SDK1: variants seen among roughly 807,000 people sequenced by gnomAD.
SDK1 encodes protein sidekick-1.
A neutral mutation model predicts 245.5 loss-of-function variants in SDK1; 157 were observed. The observed-to-expected ratio is 0.64, with a 90% confidence interval of 0.56 to 0.73. The LOEUF is 0.73. Among genes scored for constraint, SDK1 ranks in the 30% least tolerant of loss-of-function variants. SDK1 has a pLI of 0.00. For synonymous variants in SDK1, 1,647 were observed against 1,278.5 expected (o/e 1.29, Z -6.15); for missense variants, 3,583 against 3,002.3 (o/e 1.19, Z -4.52).
In SDK1 at chr7:3,835,833, C is replaced by T. The variant is rs554942676; in HGVS notation, c.847+14250C>T. ...CAATATGGATTGGGATGTTCTAAGTCAGGGAATAGTAATTTTCCCACACAT... is the reference window on the plus strand; with the variant it reads ...CAATATGGATTGGGATGTTCTAAGTTAGGGAATAGTAATTTTCCCACACAT... On this transcript the variant is annotated intron_variant, in intron 5 of 44. Transcript: ENST00000404826. Among the ~76,000 whole-genome samples, 9 of 152,272 alleles carry T rather than the reference C, an allele frequency of 5.9e-5. No individual in the cohort carries two copies. In the South Asian group the frequency reaches 1.9e-3, roughly 32 times the overall value.
intron 30 of SDK1, among the ~76,000 whole-genome samples, chr7:4,155,353 T>C (rs998315995): frequency 2.6e-5 from 4 of 152,216 alleles, no homozygotes; most frequent in African/African-American, 7.2e-5. Context: ...TGTCCTCCTT[T>C]GCACCCAAAC....
chr7:3,359,278 G>C (rs986523348), intron 1 of SDK1, among the ~76,000 whole-genome samples: 2 of 152,172 alleles, frequency 1.3e-5, no homozygotes, highest in African/African-American at 4.8e-5. Context: ...CCGGAGGCTT[G>C]AGCCTGATGG....
chr7:3,896,518 T>G (rs928771763), intron 5 of SDK1, among the ~76,000 whole-genome samples: 76 of 152,236 alleles, frequency 5.0e-4, no homozygotes, highest in African/African-American at 1.7e-3. Context: ...CCACTAGCTT[T>G]AGCCTCCTGG....
At chr7:3,564,716 A>C (rs999644989) in intron 1 of SDK1, among the ~76,000 whole-genome samples, 6 of 152,160 alleles carry the variant, frequency 3.9e-5, no homozygotes. Flanking sequence ...TGGAGAAAGT[A>C]GTCAAAAGCT....
chr7:3,364,175 T>C (rs1306017501), intron 1 of SDK1, among the ~76,000 whole-genome samples: 1 of 152,246 alleles, frequency 6.6e-6, no homozygotes, highest in Non-Finnish European at 1.5e-5. Flanking sequence ...CTTTATATAT[T>C]TTAGATACTA....
In SDK1 at chr7:3,390,058, C is replaced by T. The variant is rs150749528; in HGVS notation, c.298+88174C>T. On this transcript the variant is annotated intron_variant, in intron 1 of 44. Coordinates refer to ENST00000404826, the MANE Select transcript of SDK1 (RefSeq NM_152744.4). ...AGCTGAATTGTGTCTTAGAGCTCTA[C>T]GGAAAGCAGAATTTGTAAGTGATGA... 1.1e-3 allele frequency among the ~76,000 whole-genome samples: 163 copies of T among 152,170 alleles called. 1 individual carries two copies. Among genetic ancestry groups the T allele is most frequent in the African/African-American group, 3.4e-3 (142 of 41,526 alleles).
At chr7:3,902,403 A>G (rs187188139) in intron 5 of SDK1, among the ~76,000 whole-genome samples, 66 of 152,310 alleles carry the variant, frequency 4.3e-4, no homozygotes, top group South Asian at 2.1e-4. Context: ...TGGAATTGCT[A>G]TACCGATACT....
chr7:3,650,761 A>T (rs954670533), intron 4 of SDK1, among the ~76,000 whole-genome samples: 1 of 151,880 alleles, frequency 6.6e-6, no homozygotes, highest in Non-Finnish European at 1.5e-5. Flanking sequence ...TTCCTTTCTA[A>T]AGTTTTGTCA....
At chr7:4,125,659 G>A (rs1784350785) in intron 25 of SDK1, among the ~76,000 whole-genome samples, 1 of 152,232 alleles carries the variant, frequency 6.6e-6, no homozygotes, top group African/African-American at 2.4e-5. Context: ...GAAGGAAACA[G>A]ATGCTTCTAC....
intron 1 of SDK1, among the ~76,000 whole-genome samples, chr7:3,334,998 T>G (rs1280995507): frequency 1.3e-5 from 2 of 152,190 alleles, no homozygotes; most frequent in African/African-American, 2.4e-5. Flanking sequence ...TTCTCTAATT[T>G]ATCACCCTGA....
intron 5 of SDK1, among the ~76,000 whole-genome samples, chr7:3,914,271 T>TAA (rs1779290011): frequency 6.6e-6 from 1 of 152,228 alleles, no homozygotes; most frequent in Admixed American, 6.5e-5. Context: ...TCATCCTACG[T>TAA]TATTGTGTCT....
At chr7:3,811,722 C>G (rs1241199244) in intron 4 of SDK1, among the ~76,000 whole-genome samples, 2 of 152,154 alleles carry the variant, frequency 1.3e-5, no homozygotes, top group African/African-American at 4.8e-5. Context: ...TGCAGAAGCC[C>G]CCGGCCAGAG....
At chr7:4,062,021 TA>T (rs1302568541) in intron 19 of SDK1, among the ~76,000 whole-genome samples, 2 of 147,996 alleles carry the variant, frequency 1.4e-5, no homozygotes, top group Non-Finnish European at 3.0e-5. Flanking sequence ...CTAGGAGATA[TA>T]CCTAATGCTA....
At chr7:3,946,987 C>G (rs746039540) in intron 5 of SDK1, among the ~76,000 whole-genome samples, 3 of 152,188 alleles carry the variant, frequency 2.0e-5, no homozygotes, top group Non-Finnish European at 2.9e-5. Flanking sequence ...GTGTCTATTG[C>G]TAGTTCTTGA....
intron 1 of SDK1, among the ~76,000 whole-genome samples, chr7:3,352,870 G>GTAATCCC: frequency 6.6e-6 from 1 of 152,022 alleles, no homozygotes; most frequent in African/African-American, 2.4e-5. Context: ...ATTTTCCGAA[G>GTAATCCC]AGTGGGAATC....
At chr7:4,197,015 T>C (rs1783619588) in intron 35 of SDK1, among the ~76,000 whole-genome samples, 1 of 152,226 alleles carries the variant, frequency 6.6e-6, no homozygotes. Flanking sequence ...TATTTAACTT[T>C]TCATCTTATT....
intron 1 of SDK1, among the ~76,000 whole-genome samples, chr7:3,548,922 A>C (rs996231901): frequency 1.3e-5 from 2 of 152,254 alleles, no homozygotes; most frequent in South Asian, 2.1e-4. Flanking sequence ...TTAATCGGAG[A>C]CTTCTGTTAA....
intron 4 of SDK1, among the ~76,000 whole-genome samples, chr7:3,820,462 C>G (rs1007404767): frequency 2.6e-5 from 4 of 152,120 alleles, no homozygotes; most frequent in Non-Finnish European, 4.4e-5. Flanking sequence ...CTTTTTTAAA[C>G]AAATTTTACC....
intron 4 of SDK1, among the ~76,000 whole-genome samples, chr7:3,685,526 A>C (rs1297462203): frequency 6.6e-6 from 1 of 152,188 alleles, no homozygotes; most frequent in Non-Finnish European, 1.5e-5. Context: ...AGAATGTTGG[A>C]GCGCAGAAAA....
Sources: allele counts gnomAD v4.1 joint callset (sites outside exome capture counted in the v4.1 genomes callset), GRCh38; gene constraint gnomAD v4.1.1; transcripts MANE v1.5; gene names NCBI Gene and HGNC (gene_info 2026-07-23, HGNC 2026-07-21).